Variants in PEX3 observed in about 807,000 individuals in gnomAD.
PEX3 encodes the protein peroxisomal biogenesis factor 3, also known as peroxin-3.
A neutral mutation model predicts 55.8 loss-of-function variants in PEX3; 30 were observed. The observed-to-expected ratio is 0.54, with a 90% CI of 0.40 to 0.73. The LOEUF (loss-of-function observed/expected upper bound fraction) is 0.73, where lower values mean the gene tolerates loss of function less well. Ranked by LOEUF, PEX3 falls within the 30% of genes least tolerant of loss-of-function variation. The pLI is 0.00. For missense variants in PEX3, 351 were observed against 432.8 expected, an observed-to-expected ratio of 0.81 and a Z score of 1.68; for synonymous variants, 135 against 148.4, an observed-to-expected ratio of 0.91 and a Z score of 0.66.
rs1780260550 is a variant in PEX3, at chr6:143,482,885, C to A, written c.942-2267C>A. Among the ~76,000 whole-genome samples, 2 of 152,096 alleles carry A rather than the reference C, an allele frequency of 1.3e-5. No homozygotes were observed. Among genetic ancestry groups the A allele is most frequent in the South Asian group, 4.2e-4 (2 of 4,818 alleles). On this transcript the variant is annotated intron_variant, in intron 10 of 11. Transcript: ENST00000367591. This position sits in a 1 kb window ranked among gnomAD's most constrained non-coding sequence, Gnocchi z 5.5. Reference sequence around the variant, plus strand: ...TGACCTCAAGATGGAGAAGGTATTTCTAAGAATGAAAGTAAAGAACTTTAT... The same window carrying A: ...TGACCTCAAGATGGAGAAGGTATTTATAAGAATGAAAGTAAAGAACTTTAT...
rs377595422 is a variant in PEX3 at position 143,480,770 on chromosome 6, G to A, written c.941+1572G>A. Among the ~76,000 whole-genome samples the A allele has an allele frequency of 1.7e-3, 260 of 152,264 alleles. 10 individuals carry two copies. The South Asian group carries it at 0.051, about 30-fold the overall frequency. On this transcript the variant is annotated intron_variant, in intron 10 of 11. Transcript: ENST00000367591. ...TAAGGCCTGTAATCCCAGCACCTTG[G>A]GAGGCTGAGGTGGGTGGATTGCACG...
In PEX3 at chr6:143,479,087, G is replaced by T. The variant is rs1257340701; in HGVS notation, c.830G>T (p.Ser277Ile). 1 of 1,569,898 alleles carries T rather than the reference G, an allele frequency of 6.4e-7. No individual in the cohort carries two copies. Among genetic ancestry groups the T allele is most frequent in the Non-Finnish European group, 8.8e-7 (1 of 1,140,186 alleles). The stretch of plus-strand genomic sequence containing the variant: ...CTTACTTTATATAGCCCAGATTTTA[G>T]TACAGTTTTGAATACCTGTTTAAAC... ...TRDMLESPDF[S>I]TVLNTCLNRG... The change falls in exon 10 of 12, where the codon AGT (serine) becomes ATT (isoleucine). Residue 277 changes from serine (S) to isoleucine (I), a missense_variant. Ser to Ile is a moderately radical substitution (Grantham distance 142). Transcript: ENST00000367591. The surrounding 1 kb of genome is among the most constrained non-coding windows in gnomAD (Gnocchi z 4.6).
rs1229354315 is a variant in PEX3 at position 143,487,969 on chromosome 6, T to G, written c.1039-1174T>G. Among the ~76,000 whole-genome samples, 2 of 152,124 alleles carry G rather than the reference T, an allele frequency of 1.3e-5. No individual in the cohort carries two copies. The highest frequency in any genetic ancestry group is 6.6e-5 in the Admixed American group (1 of 15,250). On this transcript the variant is annotated intron_variant, in intron 11 of 11. Transcript: ENST00000367591. This position sits in a 1 kb window ranked among gnomAD's most constrained non-coding sequence, Gnocchi z 5.3. Reference sequence around the variant, plus strand: ...AATCAAGAGCGTGTTTGAGTTTTCTTTACATTTTCATAGAAATCAAAACAC... The same window carrying G: ...AATCAAGAGCGTGTTTGAGTTTTCTGTACATTTTCATAGAAATCAAAACAC...
At chr6:143,472,493 G>A (rs1780088062) in intron 8 of PEX3, 165 bp downstream of exon 8, 3 of 626,276 alleles carry the variant, frequency 4.8e-6, no homozygotes, top group Admixed American at 2.8e-5. Context: ...GCCATTATGA[G>A]TGATTTCTAG....
Position 143,489,227 on chromosome 6 carries a change from T to A in PEX3, c.*1T>A. 1 of 1,570,832 alleles carries A rather than the reference T, an allele frequency of 6.4e-7. No homozygotes were observed. Among genetic ancestry groups the A allele is most frequent in the Middle Eastern group, 1.7e-4 (1 of 5,974 alleles). ...TACCCCTCAGCAACTGGAGAAATGA[T>A]TTTTCCTTCAAGAAAAACTACAGTG... On this transcript the variant is annotated 3_prime_UTR_variant, in exon 12 of 12. Transcript: ENST00000367591. The surrounding 1 kb of genome is among the most constrained non-coding windows in gnomAD (Gnocchi z 5.5).
intron 1 of PEX3, among the ~76,000 whole-genome samples, chr6:143,457,837 A>G (rs1779867463): frequency 6.6e-6 from 1 of 152,206 alleles, no homozygotes. Flanking sequence ...CTTATAAAAG[A>G]TTTACCTGAA....
At chr6:143,470,312 C>T (rs1041499709) in intron 4 of PEX3, among the ~76,000 whole-genome samples, 7 of 152,156 alleles carry the variant, frequency 4.6e-5, no homozygotes, top group African/African-American at 9.7e-5. Flanking sequence ...CACTCCCTCA[C>T]GCTTTGATGT....
Position 143,465,280 on chromosome 6 carries a change from T to G in PEX3, c.287+2283T>G, listed in dbSNP as rs1379498930. ...GGAATCTTTTATGTAGATTTTGGAGTTTTTTAAAAAAAAATAGCATCAGTA... is the reference window on the plus strand; with the variant it reads ...GGAATCTTTTATGTAGATTTTGGAGGTTTTTAAAAAAAAATAGCATCAGTA... On this transcript the variant is annotated intron_variant, in intron 3 of 11. Transcript: ENST00000367591. The surrounding 1 kb of genome is among the most constrained non-coding windows in gnomAD (Gnocchi z 4.7). 6.6e-6 allele frequency among the ~76,000 whole-genome samples: 1 copy of G among 151,828 alleles called. No homozygotes were observed. Among genetic ancestry groups the G allele is most frequent in the East Asian group, 1.9e-4 (1 of 5,200 alleles).
intron 2 of PEX3, among the ~76,000 whole-genome samples, chr6:143,461,671 G>T (rs1779922713): frequency 6.6e-6 from 1 of 152,162 alleles, no homozygotes; most frequent in African/African-American, 2.4e-5. Flanking sequence ...TCATAGCCAG[G>T]TGTGGTGGCT....
Position 143,471,132 on chromosome 6 carries a change from T to G in PEX3, c.456+47T>G, listed in dbSNP as rs1780067704. On this transcript the variant is annotated intron_variant, in intron 5 of 11. Coordinates refer to ENST00000367591, the MANE Select transcript of PEX3 (RefSeq NM_003630.3). The surrounding 1 kb of genome is among the most constrained non-coding windows in gnomAD (Gnocchi z 5.4). ...AGACATTGTTCTTTCCCTCAGGAGG[T>G]TCAAAGTTTAACTTATTTATCCTGA... 2.5e-6 allele frequency: 4 copies of G among 1,569,212 alleles called. No individual in the cohort carries two copies. The highest frequency in any genetic ancestry group is 3.5e-6 in the Non-Finnish European group (4 of 1,140,116).
chr6:143,460,584 G>A (rs1034494483), intron 2 of PEX3, among the ~76,000 whole-genome samples: 2 of 152,120 alleles, frequency 1.3e-5, no homozygotes, highest in Non-Finnish European at 2.9e-5. Flanking sequence ...AATAAAATGG[G>A]CCAGGCATGG....
intron 2 of PEX3, among the ~76,000 whole-genome samples, chr6:143,460,805 G>A (rs577880507): frequency 4.0e-5 from 6 of 151,282 alleles, no homozygotes; most frequent in East Asian, 1.9e-4. Context: ...TGGAGGTTGC[G>A]GTGAGCTGAC....
chr6:143,485,464 C>T lies in PEX3; in HGVS notation c.1038+216C>T, dbSNP rs1780305693. Among the ~76,000 whole-genome samples, 1 of 151,896 alleles carries T rather than the reference C, an allele frequency of 6.6e-6. No individual in the cohort carries two copies. Among genetic ancestry groups the T allele is most frequent in the South Asian group, 2.1e-4 (1 of 4,820 alleles). On this transcript the variant is annotated intron_variant, in intron 11 of 11. Transcript: ENST00000367591. The surrounding 1 kb of genome is among the most constrained non-coding windows in gnomAD (Gnocchi z 5.6). The stretch of plus-strand genomic sequence containing the variant: ...GAGTACCTTTCTCCGTGTTGTAGTC[C>T]AACACTGTGGGACTACATTTTAGTC...
At position 143,459,127 on chromosome 6, in the gene PEX3, A is replaced by G. The variant is rs751097782; in HGVS notation, c.116A>G (p.Glu39Gly). The G allele has an allele frequency of 1.9e-6, 3 of 1,603,054 alleles. No individual in the cohort carries two copies. The highest frequency in any genetic ancestry group is 3.3e-5 in the Admixed American group (2 of 59,986). The change falls in exon 2 of 12, where the codon GAA (glutamate) becomes GGA (glycine). Residue 39 changes from glutamate (E) to glycine (G), a missense_variant. Coordinates refer to ENST00000367591, the MANE Select transcript of PEX3 (RefSeq NM_003630.3). This position sits in a 1 kb window ranked among gnomAD's most constrained non-coding sequence, Gnocchi z 4.2. ...LGKYGQKKIR[E>G]IQEREAAEYI... Reference sequence around the variant, plus strand: ...AAATATGGACAGAAGAAAATCAGAGAAATACAGGAAAGGGAGGCTGCAGAA... The same window carrying G: ...AAATATGGACAGAAGAAAATCAGAGGAATACAGGAAAGGGAGGCTGCAGAA...
rs936850409 is a variant in PEX3 at position 143,486,270 on chromosome 6, G to C, written c.1038+1022G>C. On this transcript the variant is annotated intron_variant, in intron 11 of 11. Coordinates refer to ENST00000367591, the MANE Select transcript of PEX3 (RefSeq NM_003630.3). This position sits in a 1 kb window ranked among gnomAD's most constrained non-coding sequence, Gnocchi z 5.0. The stretch of plus-strand genomic sequence containing the variant: ...ACATCTATATCAATGTGAGAAAAAG[G>C]TCATAACTTGGGGCATTTAAACCTT... 2.0e-5 allele frequency among the ~76,000 whole-genome samples: 3 copies of C among 152,110 alleles called. No individual in the cohort carries two copies. The highest frequency in any genetic ancestry group is 7.2e-5 in the African/African-American group (3 of 41,444).
At position 143,454,988 on chromosome 6, in the gene PEX3, G is replaced by T. The variant is rs1191014823; in HGVS notation, c.73+3873G>T. ...TTGGTGCTTGCTAGAGTTTACTATGGATAAAAAAATCACTTAGGGAGCTTA... is the reference window on the plus strand; with the variant it reads ...TTGGTGCTTGCTAGAGTTTACTATGTATAAAAAAATCACTTAGGGAGCTTA... On this transcript the variant is annotated intron_variant, in intron 1 of 11. Transcript: ENST00000367591. The surrounding 1 kb of genome is among the most constrained non-coding windows in gnomAD (Gnocchi z 4.3). Among the ~76,000 whole-genome samples, 1 of 152,012 alleles carries T rather than the reference G, an allele frequency of 6.6e-6. No homozygotes were observed. Among genetic ancestry groups the T allele is most frequent in the Non-Finnish European group, 1.5e-5 (1 of 67,988 alleles).
intron 1 of PEX3, among the ~76,000 whole-genome samples, chr6:143,457,410 T>C (rs1779861761): frequency 6.6e-6 from 1 of 152,240 alleles, no homozygotes; most frequent in Admixed American, 6.5e-5. Context: ...GCAATCATAC[T>C]GTAGTTCTAA....
At position 143,453,404 on chromosome 6, in the gene PEX3, TTC is replaced by T. The variant is rs778526800; in HGVS notation, c.73+2291_73+2292del. On this transcript the variant is annotated intron_variant, in intron 1 of 11. Transcript: ENST00000367591. This position sits in a 1 kb window ranked among gnomAD's most constrained non-coding sequence, Gnocchi z 4.6. ...GTAGCAGGCCTTCTTAAGTAACAAT[TTC>T]TGTTTCCTCAGATTTTGGGTGGGTA... 9.2e-5 allele frequency among the ~76,000 whole-genome samples: 14 copies of T among 152,298 alleles called. No individual in the cohort carries two copies. The highest frequency in any genetic ancestry group is 2.4e-4 in the African/African-American group (10 of 41,566).
chr6:143,472,956 T>C (rs1780095426), intron 8 of PEX3, among the ~76,000 whole-genome samples: 1 of 152,246 alleles, frequency 6.6e-6, no homozygotes, highest in Non-Finnish European at 1.5e-5. Flanking sequence ...ACGTAAGTTA[T>C]TCATTGATTA....
Sources: gnomAD v4.1 joint callset for allele counts (sites outside exome capture counted in the v4.1 genomes callset) on GRCh38, gnomAD v4.1.1 for gene constraint, Gnocchi (gnomAD v3.1) non-coding constraint, MANE v1.5 for transcripts, NCBI Gene and HGNC (gene_info 2026-07-23, HGNC 2026-07-21) for gene names.